Variants in GABRG3 observed in about 807,000 individuals in gnomAD.
GABRG3 encodes gamma-aminobutyric acid receptor subunit gamma-3.
In GABRG3, 25 loss-of-function variants were observed where a neutral mutation model predicts 48.8. The ratio of observed to expected loss-of-function variants is 0.51; its 90% CI spans 0.37 to 0.72. The LOEUF (loss-of-function observed/expected upper bound fraction) is 0.72, where lower values mean the gene tolerates loss of function less well. Ranked by LOEUF, GABRG3 falls within the 30% of genes least tolerant of loss-of-function variation. The pLI is 0.00. For missense variants in GABRG3, 394 were observed against 577.9 expected, an observed-to-expected ratio of 0.68 and a Z score of 3.26; for synonymous variants, 227 against 217.6, an observed-to-expected ratio of 1.04 and a Z score of -0.38.
intron 3 of GABRG3, among the ~76,000 whole-genome samples, chr15:27,056,477 G>A (rs757843010): frequency 3.3e-5 from 5 of 152,004 alleles, no homozygotes; most frequent in Non-Finnish European, 7.4e-5. Flanking sequence ...CAGACAACCA[G>A]CCTGAGAATT....
intron 6 of GABRG3, among the ~76,000 whole-genome samples, chr15:27,514,433 C>T (rs1462294040): frequency 2.6e-5 from 4 of 152,118 alleles, no homozygotes; most frequent in Admixed American, 6.5e-5. Context: ...AATTATTATT[C>T]GCAGCTGTAG....
At chr15:27,264,660 C>T (rs894002705) in intron 3 of GABRG3, among the ~76,000 whole-genome samples, 1 of 150,748 alleles carries the variant, frequency 6.6e-6, no homozygotes, top group Non-Finnish European at 1.5e-5. Flanking sequence ...ACTAAAACTA[C>T]AATCCAAACA....
intron 5 of GABRG3, among the ~76,000 whole-genome samples, chr15:27,402,673 T>C (rs1030915904): frequency 6.6e-6 from 1 of 152,242 alleles, no homozygotes; most frequent in African/African-American, 2.4e-5. Context: ...TTACCCAGAA[T>C]GAAATGCAAA....
intron 2 of GABRG3, among the ~76,000 whole-genome samples, chr15:26,984,258 A>G (rs1373798561): frequency 6.6e-6 from 1 of 151,862 alleles, no homozygotes; most frequent in African/African-American, 2.4e-5. Flanking sequence ...TCCAATTCCT[A>G]ACTATAGAGG....
intron 3 of GABRG3, among the ~76,000 whole-genome samples, chr15:27,275,741 T>C (rs1891230805): frequency 1.3e-5 from 2 of 152,234 alleles, no homozygotes; most frequent in Non-Finnish European, 2.9e-5. Flanking sequence ...TCGCATTCCT[T>C]TTCCTATGAC....
chr15:27,134,864 A>G (rs1042699348), intron 3 of GABRG3, among the ~76,000 whole-genome samples: 1 of 152,242 alleles, frequency 6.6e-6, no homozygotes, highest in Non-Finnish European at 1.5e-5. Context: ...CCCTGAAGCT[A>G]GGGATCCTTC....
intron 3 of GABRG3, among the ~76,000 whole-genome samples, chr15:27,264,019 A>G (rs1237937414): frequency 6.6e-6 from 1 of 152,082 alleles, no homozygotes; most frequent in Non-Finnish European, 1.5e-5. Context: ...CGTGCCAGAT[A>G]TAGTAGGGGA....
intron 5 of GABRG3, among the ~76,000 whole-genome samples, chr15:27,376,995 C>T (rs1456487186): frequency 6.6e-6 from 1 of 152,172 alleles, no homozygotes; most frequent in South Asian, 2.1e-4. Context: ...ACACCCAACT[C>T]ACCTCTTGAA....
At chr15:27,107,569 A>G (rs1897473196) in intron 3 of GABRG3, among the ~76,000 whole-genome samples, 1 of 151,980 alleles carries the variant, frequency 6.6e-6, no homozygotes, top group African/African-American at 2.4e-5. Flanking sequence ...TAACTGGAAA[A>G]GTTCTCTCTA....
intron 1 of GABRG3, among the ~76,000 whole-genome samples, chr15:26,973,665 T>C (rs1463329073): frequency 1.3e-5 from 2 of 152,204 alleles, no homozygotes; most frequent in Admixed American, 6.5e-5. Context: ...ATGGGCATCA[T>C]AAAACGCACT....
intron 3 of GABRG3, among the ~76,000 whole-genome samples, chr15:27,033,326 T>C (rs1238267722): frequency 1.3e-5 from 2 of 152,194 alleles, no homozygotes; most frequent in African/African-American, 4.8e-5. Context: ...TGCTTAGCTT[T>C]CTCGCTTGCT....
chr15:27,313,969 T>G (rs1893122616), intron 3 of GABRG3, among the ~76,000 whole-genome samples: 1 of 151,334 alleles, frequency 6.6e-6, no homozygotes, highest in Non-Finnish European at 1.5e-5. Flanking sequence ...AAATAAAGAT[T>G]AGAGGATAAA....
chr15:27,035,943 G>T (rs17671490), intron 3 of GABRG3, among the ~76,000 whole-genome samples: 16,525 of 152,196 alleles, frequency 0.11, 1,413 homozygotes, highest in East Asian at 0.39. Flanking sequence ...GTGGATTTGA[G>T]AAATATAACC....
At chr15:27,395,644 A>G (rs991505107) in intron 5 of GABRG3, among the ~76,000 whole-genome samples, 6 of 152,216 alleles carry the variant, frequency 3.9e-5, no homozygotes, top group Non-Finnish European at 8.8e-5. Context: ...CTTTTCAACA[A>G]ATAGTCCTAT....
At chr15:27,321,079 A>G (rs952863832) in intron 3 of GABRG3, among the ~76,000 whole-genome samples, 5 of 151,968 alleles carry the variant, frequency 3.3e-5, no homozygotes, top group African/African-American at 1.2e-4. Flanking sequence ...TGACTGCTGC[A>G]CCCCTCACCT....
chr15:27,060,697 C>G (rs1470810726), intron 3 of GABRG3, among the ~76,000 whole-genome samples: 2 of 152,192 alleles, frequency 1.3e-5, no homozygotes, highest in Non-Finnish European at 2.9e-5. Flanking sequence ...AGTGGAAATA[C>G]AGAGACCAAG....
intron 3 of GABRG3, among the ~76,000 whole-genome samples, chr15:27,308,195 C>CAT (rs371211061): frequency 0.023 from 582 of 24,902 alleles, 146 homozygotes; most frequent in African/African-American, 0.062. Flanking sequence ...CATATATAAA[C>CAT]ATGTTTATAT....
At chr15:27,287,938 T>A (rs1337469099) in intron 3 of GABRG3, among the ~76,000 whole-genome samples, 1 of 151,994 alleles carries the variant, frequency 6.6e-6, no homozygotes, top group African/African-American at 2.4e-5. Flanking sequence ...CAGGTTTCAC[T>A]GTATTAGCCA....
At chr15:27,510,675 G>T (rs1053030710) in intron 6 of GABRG3, among the ~76,000 whole-genome samples, 1 of 152,142 alleles carries the variant, frequency 6.6e-6, no homozygotes, top group Admixed American at 6.5e-5. Context: ...ATTATATTTG[G>T]TGGTGCCTGT....
Sources: allele counts gnomAD v4.1 joint callset (sites outside exome capture counted in the v4.1 genomes callset), GRCh38; gene constraint gnomAD v4.1.1; transcripts MANE v1.5; gene names NCBI Gene and HGNC (gene_info 2026-07-23, HGNC 2026-07-21).